Variants in SPMIP2 observed in about 807,000 individuals in gnomAD.
SPMIP2 encodes the protein protein SPMIP2.
the SPMIP2 span, among the ~76,000 whole-genome samples, chr4:159,071,129 T>G: frequency 6.6e-6 from 1 of 152,192 alleles, no homozygotes. Flanking sequence ...TAGCTAATAA[T>G]TTTGGAGCAA....
chr4:159,042,605 T>C, the SPMIP2 span, among the ~76,000 whole-genome samples: 1 of 152,212 alleles, frequency 6.6e-6, no homozygotes, highest in East Asian at 1.9e-4. Context: ...GACAACTCTT[T>C]TAATTATTTA....
chr4:158,953,972 T>A, the SPMIP2 span, among the ~76,000 whole-genome samples: 1 of 152,238 alleles, frequency 6.6e-6, no homozygotes, highest in East Asian at 1.9e-4. Context: ...TACAGGCTCA[T>A]AGGCAGAAGG....
chr4:158,898,965 T>C, the SPMIP2 span, among the ~76,000 whole-genome samples: 1 of 152,204 alleles, frequency 6.6e-6, no homozygotes, highest in South Asian at 2.1e-4. Flanking sequence ...TTCAGTATGA[T>C]ATTGGCTGTG....
chr4:159,056,837 A>G, the SPMIP2 span, among the ~76,000 whole-genome samples: 1 of 151,410 alleles, frequency 6.6e-6, no homozygotes, highest in East Asian at 1.9e-4. Flanking sequence ...AGGAGGAAAG[A>G]AAGAAAGGAA....
chr4:159,020,950 A>G, the SPMIP2 span, among the ~76,000 whole-genome samples: 140 of 152,144 alleles, frequency 9.2e-4, no homozygotes, highest in Non-Finnish European at 1.7e-3. Flanking sequence ...TTTAGTGGAG[A>G]CGGGGTTTCA....
At chr4:158,978,511 G>A in the SPMIP2 span, among the ~76,000 whole-genome samples, 1 of 152,098 alleles carries the variant, frequency 6.6e-6, no homozygotes, top group East Asian at 1.9e-4. Flanking sequence ...TATTAACGGT[G>A]GGGTGTTAGA....
the SPMIP2 span, among the ~76,000 whole-genome samples, chr4:158,921,408 A>G: frequency 6.6e-6 from 1 of 152,152 alleles, no homozygotes; most frequent in Admixed American, 6.6e-5. Flanking sequence ...CACCACTGCA[A>G]TCCAGCCTGG....
chr4:159,044,001 T>G, the SPMIP2 span, among the ~76,000 whole-genome samples: 1 of 152,232 alleles, frequency 6.6e-6, no homozygotes, highest in Non-Finnish European at 1.5e-5. Context: ...ACCAGGCTTA[T>G]GAGCATTTGG....
At chr4:159,017,438 T>C in the SPMIP2 span, among the ~76,000 whole-genome samples, 1 of 151,472 alleles carries the variant, frequency 6.6e-6, no homozygotes, top group Non-Finnish European at 1.5e-5. Context: ...ATTTACTCCT[T>C]CCTCCAACAA....
At chr4:159,057,253 G>A in the SPMIP2 span, among the ~76,000 whole-genome samples, 2 of 152,310 alleles carry the variant, frequency 1.3e-5, no homozygotes, top group Non-Finnish European at 2.9e-5. Flanking sequence ...TAGCAGGCAA[G>A]GAACAGTAGC....
chr4:159,058,186 C>CTTT, the SPMIP2 span, among the ~76,000 whole-genome samples: 45 of 141,466 alleles, frequency 3.2e-4, no homozygotes, highest in Middle Eastern at 7.2e-3. Flanking sequence ...ATTTGCTGGG[C>CTTT]TTTTTTTTTT....
chr4:159,043,049 C>T, the SPMIP2 span, among the ~76,000 whole-genome samples: 1 of 152,220 alleles, frequency 6.6e-6, no homozygotes, highest in Non-Finnish European at 1.5e-5. Flanking sequence ...TTATTCTTTG[C>T]TCCTCGTGAA....
chr4:158,979,228 C>G, the SPMIP2 span, among the ~76,000 whole-genome samples: 3 of 152,140 alleles, frequency 2.0e-5, no homozygotes, highest in South Asian at 6.2e-4. Context: ...CCTCCCAGGT[C>G]GGTTTCAGAC....
chr4:159,035,246 G>T, the SPMIP2 span: 1 of 618,690 alleles, frequency 1.6e-6, no homozygotes. Flanking sequence ...TTATGACAGG[G>T]AGATAGAATG....
chr4:158,905,666 C>T, the SPMIP2 span: 1 of 148,824 alleles, frequency 6.7e-6, no homozygotes, highest in South Asian at 2.1e-4. Flanking sequence ...TGTATAAAAC[C>T]GACCAAAATG....
chr4:158,961,364 T>G, the SPMIP2 span, among the ~76,000 whole-genome samples: 3 of 152,132 alleles, frequency 2.0e-5, no homozygotes, highest in African/African-American at 7.2e-5. Context: ...TGTGTCATCT[T>G]CTCAGGGATA....
chr4:159,058,327 C>G, the SPMIP2 span, among the ~76,000 whole-genome samples: 1 of 151,898 alleles, frequency 6.6e-6, no homozygotes, highest in African/African-American at 2.4e-5. Flanking sequence ...ACAGCAATAT[C>G]AAATCACAAT....
At chr4:158,899,960 T>C in the SPMIP2 span, among the ~76,000 whole-genome samples, 7 of 152,256 alleles carry the variant, frequency 4.6e-5, no homozygotes, top group Non-Finnish European at 1.0e-4. Flanking sequence ...TTTAGATCTT[T>C]CCTGCTTTCT....
chr4:159,039,120 C>T, the SPMIP2 span, among the ~76,000 whole-genome samples: 1 of 152,034 alleles, frequency 6.6e-6, no homozygotes, highest in African/African-American at 2.4e-5. Flanking sequence ...ACTGAGACTA[C>T]AGGAGATGGT....
Sources: allele counts gnomAD v4.1 joint callset (sites outside exome capture counted in the v4.1 genomes callset), GRCh38; gene constraint gnomAD v4.1.1; transcripts MANE v1.5; gene names NCBI Gene and HGNC (gene_info 2026-07-23, HGNC 2026-07-21).